FH: variants seen among roughly 807,000 people sequenced by gnomAD.
FH encodes the protein fumarate hydratase, also known as fumarate hydratase, mitochondrial.
Under a neutral mutation model 49.4 loss-of-function variants are expected in FH, and 22 were observed. The observed-to-expected ratio is 0.45, with a 90% CI of 0.32 to 0.64. The LOEUF (loss-of-function observed/expected upper bound fraction) is 0.64. Ranked by LOEUF, FH falls within the 30% of genes least tolerant of loss-of-function variation. The pLI is 0.05. For missense variants in FH, 526 were observed against 641.5 expected, an observed-to-expected ratio of 0.82 and a Z score of 1.95; for synonymous variants, 208 against 223.0, an observed-to-expected ratio of 0.93 and a Z score of 0.60.
intron 6 of FH, among the ~76,000 whole-genome samples, 159 bp downstream of exon 6, chr1:241,505,844 A>G (rs1303424456): frequency 6.6e-6 from 1 of 152,246 alleles, no homozygotes; most frequent in Admixed American, 6.5e-5. Flanking sequence ...CAAATAATTA[A>G]CATTATAACT....
intron 4 of FH, among the ~76,000 whole-genome samples, chr1:241,510,825 G>A (rs1660063533): frequency 6.6e-6 from 1 of 152,106 alleles, no homozygotes; most frequent in Admixed American, 6.5e-5. Flanking sequence ...CTAATGAACA[G>A]GGTATAGAAG....
chr1:241,517,931 G>A lies in FH; in HGVS notation c.133-615C>T, dbSNP rs539639481. 5.3e-5 allele frequency among the ~76,000 whole-genome samples: 8 copies of A among 152,138 alleles called. No homozygotes were observed. In the South Asian group the frequency reaches 1.5e-3, roughly 28 times the overall value. ...CAATGATCACACTAATTATTCATGT[G>A]TGATTTATTTGCTTATTTAACTGCT... On this transcript the variant is annotated intron_variant, in intron 1 of 9. Coordinates refer to ENST00000366560, the MANE Select transcript of FH (RefSeq NM_000143.4).
chr1:241,510,355 G>GGT (rs1450017004), intron 4 of FH, among the ~76,000 whole-genome samples: 3 of 152,184 alleles, frequency 2.0e-5, no homozygotes, highest in Admixed American at 1.3e-4. Context: ...ATGGTGGCAT[G>GGT]CCTAAAAGGA....
chr1:241,507,560 T>C (rs1248530896), intron 5 of FH, among the ~76,000 whole-genome samples: 1 of 152,184 alleles, frequency 6.6e-6, no homozygotes, highest in Admixed American at 6.5e-5. Context: ...CAGAAAAATG[T>C]AATTTTCTGT....
At chr1:241,507,120 A>G (rs1659950438) in intron 5 of FH, among the ~76,000 whole-genome samples, 1 of 152,186 alleles carries the variant, frequency 6.6e-6, no homozygotes. Context: ...GAAAGATCAC[A>G]TAAACAGTGG....
chr1:241,500,970 G>A (rs1414765601), intron 8 of FH, among the ~76,000 whole-genome samples: 1 of 152,086 alleles, frequency 6.6e-6, no homozygotes, highest in Admixed American at 6.6e-5. Context: ...GGCCAGAGAA[G>A]GAAAAAGAAT....
chr1:241,516,740 C>T (rs1246079837), intron 2 of FH, among the ~76,000 whole-genome samples: 1 of 152,030 alleles, frequency 6.6e-6, no homozygotes, highest in East Asian at 1.9e-4. Context: ...GCAACCTCCG[C>T]CTCCCGGGTT....
intron 9 of FH, among the ~76,000 whole-genome samples, chr1:241,498,203 G>C (rs1031909893): frequency 3.9e-5 from 6 of 152,024 alleles, no homozygotes; most frequent in Non-Finnish European, 5.9e-5. Context: ...CAACAGATTT[G>C]TTCCTAAGTT....
chr1:241,506,181 G>T lies in FH; in HGVS notation c.739-13C>A. On this transcript the variant is annotated splice_polypyrimidine_tract_variant and intron_variant, in intron 5 of 9. Coordinates refer to ENST00000366560, the MANE Select transcript of FH (RefSeq NM_000143.4). ...AACCACTAAATTCCTGAAAAGAAAA[G>T]AAAATTAAGGTAAGAATAAGTAATT... is the stretch of plus-strand genomic sequence containing the variant. The T allele has an allele frequency of 1.3e-6, 2 of 1,594,798 alleles. No individual in the cohort carries two copies. Among genetic ancestry groups the T allele is most frequent in the African/African-American group, 1.3e-5 (1 of 74,606 alleles).
rs1217538463 is a variant in FH, at chr1:241,517,166, C to G, written c.267+16G>C. 6.2e-7 allele frequency: 1 copy of G among 1,613,924 alleles called. No individual in the cohort carries two copies. The highest frequency in any genetic ancestry group is 8.5e-7 in the Non-Finnish European group (1 of 1,180,006). On this transcript the variant is annotated intron_variant, in intron 2 of 9. Transcript: ENST00000366560. ...CTTCATCCAAAATAGCCAACATTTC[C>G]ACAAATGCCACTTACTGGCATGCGT...
At chr1:241,511,782 A>G in intron 4 of FH, 185 bp downstream of exon 4, 2 of 592,798 alleles carry the variant, frequency 3.4e-6, no homozygotes, top group Non-Finnish European at 3.0e-6. Flanking sequence ...CAGGTGTCCT[A>G]AAAATAATTT....
intron 3 of FH, among the ~76,000 whole-genome samples, chr1:241,513,105 T>C (rs1330493501): frequency 6.6e-6 from 1 of 152,194 alleles, no homozygotes; most frequent in African/African-American, 2.4e-5. Flanking sequence ...ATATAATTTA[T>C]ATAAGTAGCT....
Position 241,519,501 on chromosome 1 carries a change from C to T in FH, c.132+90G>A, listed in dbSNP as rs1400244789. The T allele has an allele frequency of 6.2e-6, 9 of 1,449,344 alleles. No individual in the cohort carries two copies. In the East Asian group the frequency reaches 2.2e-4, roughly 35 times the overall value. The allele number at this position is 1,449,344 out of a possible 1,614,324, so 89.8% of individuals were successfully genotyped here. The stretch of plus-strand genomic sequence containing the variant: ...GGCGCGGCCCGGACGCCCGGGGAAT[C>T]TCTCCCGCCAAGTCGCGGGCGCCCA... On this transcript the variant is annotated intron_variant, in intron 1 of 9. Coordinates refer to ENST00000366560, the MANE Select transcript of FH (RefSeq NM_000143.4).
chr1:241,508,153 G>A (rs937844010), intron 5 of FH, among the ~76,000 whole-genome samples: 1 of 152,128 alleles, frequency 6.6e-6, no homozygotes, highest in Non-Finnish European at 1.5e-5. Flanking sequence ...GATACTGATG[G>A]AGATGACAGC....
rs71174810 is a variant in FH, at chr1:241,509,778, AACACACACACACAC to A, written c.556-1007_556-994del. 4.8e-3 allele frequency among the ~76,000 whole-genome samples: 670 copies of A among 139,382 alleles called. 2 individuals are homozygous for A. Among genetic ancestry groups the A allele is most frequent in the African/African-American group, 0.017 (632 of 38,184 alleles). 91.4% of individuals were successfully genotyped at this position (139,382 alleles called of 152,430 possible). On this transcript the variant is annotated intron_variant, in intron 4 of 9. Coordinates refer to ENST00000366560, the MANE Select transcript of FH (RefSeq NM_000143.4). ...GTGACAGAGTGAAGCACAATCTCTA[AACACACACACACAC>A]ACACACACACACACACACACACACA...
intron 3 of FH, among the ~76,000 whole-genome samples, 181 bp from the exon 4 acceptor site, chr1:241,512,324 CA>C (rs1660108903): frequency 6.6e-6 from 1 of 152,100 alleles, no homozygotes; most frequent in African/African-American, 2.4e-5. Context: ...TCACTGGTTT[CA>C]AATGAAAAGG....
chr1:241,509,153 C>T (rs1376224394), intron 4 of FH, among the ~76,000 whole-genome samples: 7 of 151,012 alleles, frequency 4.6e-5, no homozygotes, highest in African/African-American at 1.5e-4. Flanking sequence ...TAGTTAACAA[C>T]TGCACTTGAA....
chr1:241,499,382 T>C (rs1221604142), intron 9 of FH, among the ~76,000 whole-genome samples: 1 of 152,220 alleles, frequency 6.6e-6, no homozygotes, highest in Non-Finnish European at 1.5e-5. Flanking sequence ...GAAGTAAAGA[T>C]CTGATGAAAA....
chr1:241,509,223 T>C (rs1277677133), intron 4 of FH, among the ~76,000 whole-genome samples: 2 of 151,932 alleles, frequency 1.3e-5, no homozygotes, highest in Non-Finnish European at 2.9e-5. Flanking sequence ...ATTACATCAA[T>C]TATTGAATTA....
Sources: gnomAD v4.1 joint callset for allele counts (sites outside exome capture counted in the v4.1 genomes callset) on GRCh38, gnomAD v4.1.1 for gene constraint, MANE v1.5 for transcripts, NCBI Gene and HGNC (gene_info 2026-07-23, HGNC 2026-07-21) for gene names.